Variants in GALNT15 observed in about 807,000 individuals in gnomAD.
The protein encoded by GALNT15 is UDP-GalNAc transferase T15.
In GALNT15, 67 loss-of-function variants were observed where a neutral mutation model predicts 66.8. The observed-to-expected ratio is 1.00, with a 90% CI of 0.82 to 1.23. The LOEUF (loss-of-function observed/expected upper bound fraction) is 1.23, where lower values mean the gene tolerates loss of function less well. GALNT15 is among the 50% of genes most tolerant of loss of function. The probability of loss-of-function intolerance (pLI) is 0.00; values close to 1 mark genes in which losing one functional copy is unlikely to be tolerated. For synonymous variants in GALNT15, 313 were observed against 311.5 expected, an observed-to-expected ratio of 1.00 and a Z score of -0.05; for missense variants, 827 against 804.3, an observed-to-expected ratio of 1.03 and a Z score of -0.34.
downstream of GALNT15, chr3:16,232,050 G>A (rs2064087123): frequency 1.6e-6 from 2 of 1,213,796 alleles, no homozygotes; most frequent in Admixed American, 5.8e-5. Flanking sequence ...ACTGTTCAGA[G>A]AGGGTGAAAG....
Position 16,195,939 on chromosome 3 carries a change from T to A in GALNT15, c.706+13T>A, listed in dbSNP as rs1268204517. Reference sequence around the variant, plus strand: ...CTCAGCCAGCAAGGTAGCCACGGCTTTCCTCCAGGCTCGTCTGGGTGAGCC... The same window carrying A: ...CTCAGCCAGCAAGGTAGCCACGGCTATCCTCCAGGCTCGTCTGGGTGAGCC... On this transcript the variant is annotated intron_variant, in intron 2 of 9. Coordinates refer to ENST00000339732, the MANE Select transcript of GALNT15 (RefSeq NM_054110.5). The surrounding 1 kb of genome is among the most constrained non-coding windows in gnomAD (Gnocchi z 4.6). The A allele has an allele frequency of 6.2e-7, 1 of 1,613,696 alleles. No individual in the cohort carries two copies. The highest frequency in any genetic ancestry group is 8.5e-7 in the Non-Finnish European group (1 of 1,179,824).
intron 1 of GALNT15, among the ~76,000 whole-genome samples, chr3:16,190,051 T>G (rs2063557035): frequency 6.6e-6 from 1 of 152,198 alleles, no homozygotes; most frequent in Non-Finnish European, 1.5e-5. Context: ...TTGAGCAAGT[T>G]TATCAAGGTG....
rs755801640 is a variant in GALNT15 at position 16,175,263 on chromosome 3, C to G, written c.112C>G (p.His38Asp). 1.9e-6 allele frequency: 3 copies of G among 1,614,198 alleles called. No individual in the cohort carries two copies. Among genetic ancestry groups the G allele is most frequent in the South Asian group, 1.1e-5 (1 of 91,080 alleles). ...MMVAMLHPPH[H>D]TLHQTVTAQA... ...GGTGGCGATGTTGCACCCTCCCCAC[C>G]ACACCCTGCACCAGACTGTCACAGC... Residue 38 changes from histidine (H) to aspartate (D), a missense_variant, in exon 1 of 10, where the codon CAC (histidine) becomes GAC (aspartate). By Grantham distance (81) the His-to-Asp change is moderately conservative (BLOSUM62 -1). Transcript: ENST00000339732. This position sits in a 1 kb window ranked among gnomAD's most constrained non-coding sequence, Gnocchi z 5.6.
At position 16,219,385 on chromosome 3, in the gene GALNT15, T is replaced by G; in HGVS notation, c.1393-18T>G. On this transcript the variant is annotated intron_variant, in intron 6 of 9. Transcript: ENST00000339732. The surrounding 1 kb of genome is among the most constrained non-coding windows in gnomAD (Gnocchi z 4.3). Reference sequence around the variant, plus strand: ...AGACAAGCTTTCATCATCCTGCTTGTGTCTTTCTCCTCCCCAGGCTGAGAA... The same window carrying G: ...AGACAAGCTTTCATCATCCTGCTTGGGTCTTTCTCCTCCCCAGGCTGAGAA... 1 of 1,613,256 alleles carries G rather than the reference T, an allele frequency of 6.2e-7. No individual in the cohort carries two copies. The highest frequency in any genetic ancestry group is 8.5e-7 in the Non-Finnish European group (1 of 1,179,540).
chr3:16,207,791 A>G (rs1356664507), intron 3 of GALNT15, among the ~76,000 whole-genome samples: 1 of 152,164 alleles, frequency 6.6e-6, no homozygotes, highest in Non-Finnish European at 1.5e-5. Context: ...ATGGACATGG[A>G]AGATTTCATT....
At position 16,211,292 on chromosome 3, in the gene GALNT15, T is replaced by C. The variant is rs1217149897; in HGVS notation, c.1197+51T>C. The C allele has an allele frequency of 5.2e-6, 6 of 1,159,886 alleles. No individual in the cohort carries two copies. The East Asian group carries it at 1.4e-4, about 27-fold the overall frequency. 71.8% of individuals were successfully genotyped at this position (1,159,886 alleles called of 1,614,324 possible). A position where few individuals can be genotyped will look rare whatever the true frequency, so the allele number is the denominator to read the frequency against. On this transcript the variant is annotated intron_variant, in intron 5 of 9. Transcript: ENST00000339732. The surrounding 1 kb of genome is among the most constrained non-coding windows in gnomAD (Gnocchi z 4.3). ...GAGGTGGGATCTCTGGAGTGGTGTG[T>C]ATGGTCACAGCTCAGAGGCAGGCAT...
Position 16,229,244 on chromosome 3 carries a change from C to T in GALNT15, c.*1744C>T, listed in dbSNP as rs942231408. On this transcript the variant is annotated 3_prime_UTR_variant, in exon 10 of 10. Transcript: ENST00000339732. Reference sequence around the variant, plus strand: ...TAAGTCAAGGGTTCACTGCATTTCTCCTTCCTCAGAATACACTCTGGACCT... The same window carrying T: ...TAAGTCAAGGGTTCACTGCATTTCTTCTTCCTCAGAATACACTCTGGACCT... 5 of 985,114 alleles carry T rather than the reference C, an allele frequency of 5.1e-6. No homozygotes were observed. The African/African-American group carries it at 8.7e-5, about 17-fold the overall frequency. The allele number at this position is 985,114 out of a possible 1,614,324, so 61.0% of individuals were successfully genotyped here. A position where few individuals can be genotyped will look rare whatever the true frequency, so the allele number is the denominator to read the frequency against.
chr3:16,202,064 T>C lies in GALNT15; in HGVS notation c.911+1241T>C, dbSNP rs1355756879. Reference sequence around the variant, plus strand: ...GAAGTTAGGGATGATCAATCAAATATAAGAAAAAATTCCTGGACCAGATCG... The same window carrying C: ...GAAGTTAGGGATGATCAATCAAATACAAGAAAAAATTCCTGGACCAGATCG... On this transcript the variant is annotated intron_variant, in intron 3 of 9. Transcript: ENST00000339732. Among the ~76,000 whole-genome samples, 3 of 152,184 alleles carry C rather than the reference T, an allele frequency of 2.0e-5. No homozygotes were observed. The South Asian group carries it at 6.2e-4, about 31-fold the overall frequency.
At chr3:16,212,453 A>G (rs2063826572) in intron 5 of GALNT15, 116 bp from the exon 6 acceptor site, 1 of 910,226 alleles carries the variant, frequency 1.1e-6, no homozygotes, top group African/African-American at 1.7e-5. Flanking sequence ...CATCTTCACC[A>G]TTGAGTGCTC....
intron 1 of GALNT15, among the ~76,000 whole-genome samples, chr3:16,178,001 C>T (rs925721519): frequency 4.6e-5 from 7 of 151,982 alleles, no homozygotes; most frequent in Admixed American, 2.0e-4. Context: ...GTGTGTATTG[C>T]GTATCTTGTG....
chr3:16,242,010 G>A, the GALNT15 span, among the ~76,000 whole-genome samples: 1 of 152,104 alleles, frequency 6.6e-6, no homozygotes, highest in African/African-American at 2.4e-5. The surrounding 1 kb of genome is among the most constrained non-coding windows in gnomAD (Gnocchi z 5.6). Context: ...GACTCAGCTG[G>A]GCCCTCCCCT....
chr3:16,235,680 G>C (rs1477184549), downstream of GALNT15, among the ~76,000 whole-genome samples: 1 of 152,156 alleles, frequency 6.6e-6, no homozygotes, highest in Non-Finnish European at 1.5e-5. Context: ...CATCACCCCA[G>C]ACTTTTAGTT....
At position 16,219,793 on chromosome 3, in the gene GALNT15, C is replaced by T. The variant is rs2063921761; in HGVS notation, c.1525-117C>T. 4 of 940,736 alleles carry T rather than the reference C, an allele frequency of 4.3e-6. No homozygotes were observed. The East Asian group carries it at 7.2e-5, about 17-fold the overall frequency. The allele number at this position is 940,736 out of a possible 1,614,324, so 58.3% of individuals were successfully genotyped here. A position where few individuals can be genotyped will look rare whatever the true frequency, so the allele number is the denominator to read the frequency against. On this transcript the variant is annotated intron_variant, in intron 7 of 9. Transcript: ENST00000339732. This position sits in a 1 kb window ranked among gnomAD's most constrained non-coding sequence, Gnocchi z 4.3. ...AGCTTTACCACACCTGTTGTTGTGG[C>T]CTGAACAATGTGCCTTGGGCTGCAC...
rs36127239 is a variant in GALNT15, at chr3:16,207,501, TAAAAAAAAA to T, written c.912-968_912-960del. Among the ~76,000 whole-genome samples, 213 of 39,842 alleles carry T rather than the reference TAAAAAAAAA, an allele frequency of 5.3e-3. 14 individuals are homozygous for T. The highest frequency in any genetic ancestry group is 0.011 in the African/African-American group (106 of 9,412). 26.1% of individuals were successfully genotyped at this position (39,842 alleles called of 152,430 possible). A position where few individuals can be genotyped will look rare whatever the true frequency, so the allele number is the denominator to read the frequency against. On this transcript the variant is annotated intron_variant, in intron 3 of 9. Transcript: ENST00000339732. The stretch of plus-strand genomic sequence containing the variant: ...ACTCTGCAGTCATATCTCCAGGCTG[TAAAAAAAAA>T]AAAAAAAAAAAAAAAAAAAAAAAAA...
intron 3 of GALNT15, among the ~76,000 whole-genome samples, chr3:16,202,431 G>A (rs1030805931): frequency 1.4e-4 from 21 of 152,138 alleles, no homozygotes; most frequent in Non-Finnish European, 2.1e-4. Context: ...TCAGGAGTTC[G>A]AGACCAGCCT....
chr3:16,227,194 A>C lies in GALNT15; in HGVS notation c.1774-160A>C, dbSNP rs952798263. 6.6e-6 allele frequency among the ~76,000 whole-genome samples: 1 copy of C among 152,222 alleles called. No homozygotes were observed. Among genetic ancestry groups the C allele is most frequent in the Non-Finnish European group, 1.5e-5 (1 of 68,036 alleles). On this transcript the variant is annotated intron_variant, in intron 9 of 9. Transcript: ENST00000339732. This position sits in a 1 kb window ranked among gnomAD's most constrained non-coding sequence, Gnocchi z 4.5. ...GACATCCAAATTTTAGGGCTACCTA[A>C]TTTATATTTTATGTTGATCAAAATA...
chr3:16,228,648 A>T lies in GALNT15; in HGVS notation c.*1148A>T. The T allele has an allele frequency of 9.1e-6, 9 of 985,560 alleles. No individual in the cohort carries two copies. Among genetic ancestry groups the T allele is most frequent in the Middle Eastern group, 1.0e-3 (2 of 1,918 alleles). 61.1% of individuals were successfully genotyped at this position (985,560 alleles called of 1,614,324 possible). A position where few individuals can be genotyped will look rare whatever the true frequency, so the allele number is the denominator to read the frequency against. On this transcript the variant is annotated 3_prime_UTR_variant, in exon 10 of 10. Coordinates refer to ENST00000339732, the MANE Select transcript of GALNT15 (RefSeq NM_054110.5). ...AGAGTGAGACTCCATCTCAAAAAAA[A>T]AAAAAAAGAGAGAAACTCTCCTGAT...
Position 16,224,179 on chromosome 3 carries a change from C to T in GALNT15, c.1773+1421C>T, listed in dbSNP as rs918165224. On this transcript the variant is annotated intron_variant, in intron 9 of 9. Transcript: ENST00000339732. The surrounding 1 kb of genome is among the most constrained non-coding windows in gnomAD (Gnocchi z 5.2). ...GCATATTTCAGGCATTAATAAATAA[C>T]TTCTAAAAGTTATTATCATTCAGCC... Among the ~76,000 whole-genome samples the T allele has an allele frequency of 2.0e-4, 30 of 152,120 alleles. No homozygotes were observed. Among genetic ancestry groups the T allele is most frequent in the African/African-American group, 6.8e-4 (28 of 41,412 alleles).
chr3:16,233,107 T>TTTTTTTTTTTTTTTTTTTTTTTC (rs2064100804), downstream of GALNT15, among the ~76,000 whole-genome samples: 1 of 122,122 alleles, frequency 8.2e-6, no homozygotes, highest in African/African-American at 3.2e-5. Flanking sequence ...TTTTTTTTTT[T>TTTTTTTTTTTTTTTTTTTTTTTC]TTTTTTGAAA....
Sources: gnomAD v4.1 joint callset for allele counts (sites outside exome capture counted in the v4.1 genomes callset) on GRCh38, gnomAD v4.1.1 for gene constraint, Gnocchi (gnomAD v3.1) non-coding constraint, MANE v1.5 for transcripts, NCBI Gene and HGNC (gene_info 2026-07-23, HGNC 2026-07-21) for gene names.